DOCK1: variants seen among roughly 807,000 people sequenced by gnomAD.
DOCK1 encodes dedicator of cytokinesis 1.
In DOCK1, 138 loss-of-function variants were observed where a neutral mutation model predicts 262.7. The ratio of observed to expected loss-of-function variants is 0.53; its 90% confidence interval spans 0.46 to 0.61. DOCK1 has a LOEUF of 0.61. DOCK1 is among the 20% of genes least tolerant of loss of function. DOCK1 has a pLI of 0.00. For synonymous variants in DOCK1, 866 were observed against 867.4 expected (o/e 1.00, Z 0.03); for missense variants, 1,908 against 2,370.7 (o/e 0.80, Z 4.05).
At chr10:127,413,360 C>T (rs1271471223) in intron 43 of DOCK1, among the ~76,000 whole-genome samples, 1 of 152,176 alleles carries the variant, frequency 6.6e-6, no homozygotes, top group Non-Finnish European at 1.5e-5. Flanking sequence ...GGCACTTGGA[C>T]AAAGTGTTCG....
At chr10:127,196,164 G>C (rs1436651062) in intron 27 of DOCK1, 1 of 151,122 alleles carries the variant, frequency 6.6e-6, no homozygotes, top group African/African-American at 2.4e-5. Context: ...GACTTGGCCC[G>C]CTGCGCGCCT....
rs369960950 is a variant in DOCK1 at position 126,998,272 on chromosome 10, C to T, written c.767+23C>T. The T allele has an allele frequency of 3.8e-5, 62 of 1,612,842 alleles. 1 individual carries two copies. The East Asian group carries it at 4.2e-4, about 11-fold the overall frequency. The stretch of plus-strand genomic sequence containing the variant: ...CAGGTGGGTGACATTTCTTGGCTGC[C>T]GTCTTTCCTCTTTGGTTAGTGTTAG... On this transcript the variant is annotated intron_variant, in intron 8 of 51. Coordinates refer to ENST00000623213, the MANE Select transcript of DOCK1 (RefSeq NM_001290223.2).
intron 29 of DOCK1, among the ~76,000 whole-genome samples, chr10:127,330,362 A>T (rs2062921472): frequency 2.0e-5 from 3 of 152,154 alleles, no homozygotes; most frequent in African/African-American, 7.2e-5. Context: ...GTGTTCTAAT[A>T]AAACTTTATT....
At chr10:127,129,442 T>C (rs2133122846) in intron 27 of DOCK1, among the ~76,000 whole-genome samples, 1 of 152,210 alleles carries the variant, frequency 6.6e-6, no homozygotes, top group East Asian at 1.9e-4. Flanking sequence ...TACATAAACA[T>C]AAATTTGCCT....
chr10:127,428,630 TCATGTGGATTGGAGTGC>T (rs2068993822), intron 47 of DOCK1, among the ~76,000 whole-genome samples: 2 of 131,450 alleles, frequency 1.5e-5, no homozygotes, highest in Admixed American at 7.6e-5. Flanking sequence ...GATTGGGGTG[TCATGTGGATTGGAGTGC>T]CGTGTGGATT....
intron 1 of DOCK1, among the ~76,000 whole-genome samples, chr10:126,928,326 G>A (rs2033923661): frequency 6.6e-6 from 1 of 152,238 alleles, no homozygotes; most frequent in African/African-American, 2.4e-5. Context: ...TGGTGTCCAT[G>A]CGTCCCAGGC....
intron 26 of DOCK1, among the ~76,000 whole-genome samples, chr10:127,126,134 G>A (rs1021008621): frequency 2.7e-5 from 4 of 145,882 alleles, no homozygotes; most frequent in African/African-American, 7.7e-5. Context: ...TTACACTGTC[G>A]CCCAGGCTAG....
chr10:127,133,681 A>G (rs1028117444), intron 27 of DOCK1, among the ~76,000 whole-genome samples: 3 of 152,214 alleles, frequency 2.0e-5, no homozygotes, highest in African/African-American at 7.2e-5. Flanking sequence ...CAATCCTTAC[A>G]TATTCATACC....
At chr10:127,356,684 C>A (rs1000589169) in intron 32 of DOCK1, among the ~76,000 whole-genome samples, 2 of 152,094 alleles carry the variant, frequency 1.3e-5, no homozygotes, top group African/African-American at 4.8e-5. Flanking sequence ...TCTGTTGGAA[C>A]TCAGTGAGTC....
chr10:127,069,395 C>A (rs2046073281), intron 23 of DOCK1, among the ~76,000 whole-genome samples: 2 of 152,300 alleles, frequency 1.3e-5, no homozygotes, highest in South Asian at 4.1e-4. Context: ...GGGCCTGGAG[C>A]AAACCAACCA....
Position 127,004,784 on chromosome 10 carries a change from C to CA in DOCK1, c.986-3940dup, listed in dbSNP as rs568201071. On this transcript the variant is annotated intron_variant, in intron 10 of 51. Coordinates refer to ENST00000623213, the MANE Select transcript of DOCK1 (RefSeq NM_001290223.2). ...CCCCTGCCCCGCCACCCCCCCGCCC[C>CA]AAAAAAAAGAAAAAAGTCTTGCACA... Among the ~76,000 whole-genome samples, 365 of 98,026 alleles carry CA rather than the reference C, an allele frequency of 3.7e-3. 3 individuals carry two copies. The highest frequency in any genetic ancestry group is 5.9e-3 in the Non-Finnish European group (261 of 44,500). 64.3% of individuals were successfully genotyped at this position (98,026 alleles called of 152,430 possible).
intron 23 of DOCK1, among the ~76,000 whole-genome samples, chr10:127,066,353 A>G (rs760713199): frequency 6.6e-6 from 1 of 152,168 alleles, no homozygotes; most frequent in Non-Finnish European, 1.5e-5. Flanking sequence ...AAATTAGGGC[A>G]GAAAAGTCTT....
At chr10:126,964,480 G>A (rs1401472034) in intron 1 of DOCK1, among the ~76,000 whole-genome samples, 1 of 152,248 alleles carries the variant, frequency 6.6e-6, no homozygotes, top group East Asian at 1.9e-4. Flanking sequence ...CTGGCATTGG[G>A]CCGTGTGAGG....
At chr10:127,392,280 A>C (rs1204208251) in intron 38 of DOCK1, among the ~76,000 whole-genome samples, 1 of 151,940 alleles carries the variant, frequency 6.6e-6, no homozygotes, top group South Asian at 2.1e-4. Context: ...TGCATTTCTG[A>C]GAAGCTCCCA....
chr10:127,444,340 A>T, intron 50 of DOCK1, 61 bp downstream of exon 50: 1 of 1,515,828 alleles, frequency 6.6e-7, no homozygotes, highest in Non-Finnish European at 8.8e-7. Context: ...CCCTCACTGA[A>T]GGCTCTGAGG....
chr10:127,212,032 TTG>T (rs1353936608), intron 27 of DOCK1, among the ~76,000 whole-genome samples: 48 of 152,354 alleles, frequency 3.2e-4, no homozygotes, highest in African/African-American at 1.1e-3. Flanking sequence ...CTTGAAGGAC[TTG>T]ATGCTTTGGT....
At chr10:127,286,731 C>A (rs945653512) in intron 29 of DOCK1, among the ~76,000 whole-genome samples, 2 of 152,022 alleles carry the variant, frequency 1.3e-5, no homozygotes, top group East Asian at 3.9e-4. Context: ...ATTATTACTC[C>A]TTAGAAAATG....
chr10:127,426,732 C>T (rs1193839948), intron 47 of DOCK1, among the ~76,000 whole-genome samples: 1 of 152,120 alleles, frequency 6.6e-6, no homozygotes, highest in Admixed American at 6.5e-5. Flanking sequence ...ACCCAACCTC[C>T]AAGAACAAGG....
chr10:127,418,627 C>T (rs917209357), intron 45 of DOCK1, 86 bp downstream of exon 45: 15 of 1,457,050 alleles, frequency 1.0e-5, no homozygotes, highest in East Asian at 4.8e-5. Flanking sequence ...AGCCCAGAAA[C>T]GCCCCTGGTC....
Sources: allele counts gnomAD v4.1 joint callset (sites outside exome capture counted in the v4.1 genomes callset), GRCh38; gene constraint gnomAD v4.1.1; transcripts MANE v1.5; gene names NCBI Gene and HGNC (gene_info 2026-07-23, HGNC 2026-07-21).